The following THTPA variants were observed in gnomAD, a reference collection of about 807,000 sequenced individuals.
THTPA encodes thiamine triphosphatase, also known as thiamine-triphosphatase.
In THTPA, 16 loss-of-function variants were observed where a neutral mutation model predicts 16.5. The observed-to-expected ratio is 0.97, with a 90% CI of 0.66 to 1.47. The LOEUF is 1.47. Among genes scored for constraint, THTPA ranks in the 40% most tolerant of loss-of-function variants. The probability of loss-of-function intolerance (pLI) is 0.00; values close to 1 mark genes in which losing one functional copy is unlikely to be tolerated. For synonymous variants in THTPA, 110 were observed against 115.5 expected (o/e 0.95, Z 0.30); for missense variants, 281 against 280.9 (o/e 1.00, Z 0.00).
the THTPA span, chr14:23,523,019 C>A: frequency 2.1e-6 from 3 of 1,419,708 alleles, no homozygotes; most frequent in Non-Finnish European, 2.7e-6. This position sits in a 1 kb window ranked among gnomAD's most constrained non-coding sequence, Gnocchi z 4.1. Context: ...CACCTCCAGC[C>A]ACACACACCC....
At chr14:23,537,737 A>G in the THTPA span, among the ~76,000 whole-genome samples, 1 of 152,186 alleles carries the variant, frequency 6.6e-6, no homozygotes, top group Non-Finnish European at 1.5e-5. Context: ...GAAGCCCTCA[A>G]GTTGAGGGAG....
At chr14:23,515,807 T>C in the THTPA span, among the ~76,000 whole-genome samples, 1 of 152,176 alleles carries the variant, frequency 6.6e-6, no homozygotes, top group Non-Finnish European at 1.5e-5. Context: ...AGTGTATGGC[T>C]ACTTCAGAAG....
At chr14:23,533,309 G>A in the THTPA span, 1 of 1,437,012 alleles carries the variant, frequency 7.0e-7, no homozygotes, top group Non-Finnish European at 9.1e-7. The surrounding 1 kb of genome is among the most constrained non-coding windows in gnomAD (Gnocchi z 4.8). Flanking sequence ...TTGCGGGCAG[G>A]TGCTCCTACG....
the THTPA span, among the ~76,000 whole-genome samples, chr14:23,512,376 G>A: frequency 1.3e-5 from 2 of 152,074 alleles, no homozygotes; most frequent in Non-Finnish European, 1.5e-5. Flanking sequence ...AGCAGGCAGG[G>A]AAGGGCACAG....
chr14:23,525,115 G>A, the THTPA span: 2 of 1,536,176 alleles, frequency 1.3e-6, no homozygotes, highest in Non-Finnish European at 1.7e-6. This position sits in a 1 kb window ranked among gnomAD's most constrained non-coding sequence, Gnocchi z 5.9. Flanking sequence ...AAGACTGCAG[G>A]GCTTGGGTCT....
the THTPA span, among the ~76,000 whole-genome samples, chr14:23,539,413 G>A: frequency 1.3e-5 from 2 of 152,186 alleles, no homozygotes; most frequent in Admixed American, 1.3e-4. Context: ...GACCCAGAAA[G>A]CTGCCGAGAG....
the THTPA span, chr14:23,522,901 C>A: frequency 9.5e-6 from 14 of 1,471,144 alleles, no homozygotes; most frequent in Non-Finnish European, 1.3e-5. Context: ...TAGGCAGGAC[C>A]GAAGTGGCGA....
At chr14:23,552,288 ATTTTTTTT>A (rs891218317), upstream of THTPA, among the ~76,000 whole-genome samples, 19 of 133,994 alleles carry the variant, frequency 1.4e-4, no homozygotes, top group African/African-American at 3.9e-4. Flanking sequence ...GTGCTCCTGA[ATTTTTTTT>A]TTTTTTTTTT....
Position 23,556,576 on chromosome 14 carries a change from C to A in THTPA, c.-182C>A, listed in dbSNP as rs1258894749. ...GAGCCTTAAAATATCACCGACGGGG[C>A]CTTAATGTCACCGAGGTAGAGAGAA... On this transcript the variant is annotated 5_prime_UTR_variant, in exon 1 of 2. Transcript: ENST00000288014. The A allele has an allele frequency of 1.4e-5, 9 of 641,950 alleles. 1 individual carries two copies. Among genetic ancestry groups the A allele is most frequent in the East Asian group, 2.8e-5 (1 of 36,340 alleles). The allele number at this position is 641,950 out of a possible 1,614,324, so 39.8% of individuals were successfully genotyped here.
chr14:23,523,472 A>T, the THTPA span: 1 of 1,536,184 alleles, frequency 6.5e-7, no homozygotes. The surrounding 1 kb of genome is among the most constrained non-coding windows in gnomAD (Gnocchi z 4.1). Flanking sequence ...GGAGACATAG[A>T]AATCATACTT....
the THTPA span, chr14:23,523,400 T>C: frequency 6.6e-7 from 1 of 1,518,816 alleles, no homozygotes; most frequent in Non-Finnish European, 8.8e-7. This position sits in a 1 kb window ranked among gnomAD's most constrained non-coding sequence, Gnocchi z 4.1. Context: ...ACTCTTCAGC[T>C]GGGCTCGAAC....
chr14:23,519,573 A>G, the THTPA span, among the ~76,000 whole-genome samples: 2 of 152,176 alleles, frequency 1.3e-5, no homozygotes, highest in Non-Finnish European at 1.5e-5. Flanking sequence ...TGGTATCAGA[A>G]ATTGGGGTGG....
At chr14:23,519,804 A>C in the THTPA span, among the ~76,000 whole-genome samples, 1 of 152,280 alleles carries the variant, frequency 6.6e-6, no homozygotes, top group East Asian at 1.9e-4. Context: ...GAGTGATGTG[A>C]CTGATAGAGC....
At chr14:23,531,914 T>C in the THTPA span, 1 of 662,738 alleles carries the variant, frequency 1.5e-6, no homozygotes, top group Non-Finnish European at 2.1e-6. Flanking sequence ...GTAGCTGGGA[T>C]TACAGGCATG....
the THTPA span, chr14:23,529,628 T>C: frequency 1.5e-6 from 2 of 1,335,246 alleles, no homozygotes; most frequent in Non-Finnish European, 2.1e-6. Flanking sequence ...CATGACAAAA[T>C]TACGTCTGCC....
At chr14:23,540,329 A>G in the THTPA span, among the ~76,000 whole-genome samples, 1 of 152,184 alleles carries the variant, frequency 6.6e-6, no homozygotes, top group African/African-American at 2.4e-5. Flanking sequence ...TAATTGTTTA[A>G]TCTACCCACT....
At chr14:23,526,524 C>T in the THTPA span, 42 of 1,535,800 alleles carry the variant, frequency 2.7e-5, no homozygotes, top group Admixed American at 7.8e-5. Context: ...GGAGGAGCTA[C>T]GTCTTCAGCT....
the THTPA span, chr14:23,531,322 T>C: frequency 9.0e-7 from 1 of 1,111,004 alleles, no homozygotes; most frequent in South Asian, 3.5e-5. Flanking sequence ...CCTGACACGC[T>C]CATTCTGTCT....
chr14:23,534,050 T>A, the THTPA span: 4 of 1,532,102 alleles, frequency 2.6e-6, no homozygotes, highest in Non-Finnish European at 2.6e-6. This position sits in a 1 kb window ranked among gnomAD's most constrained non-coding sequence, Gnocchi z 4.5. Context: ...GGGGCTGGGG[T>A]GTAGTCATCA....
Sources: allele counts gnomAD v4.1 joint callset (sites outside exome capture counted in the v4.1 genomes callset), GRCh38; gene constraint gnomAD v4.1.1; non-coding constraint Gnocchi (gnomAD v3.1); transcripts MANE v1.5; gene names NCBI Gene and HGNC (gene_info 2026-07-23, HGNC 2026-07-21).